The following CCDC171 variants were observed in gnomAD, a reference collection of about 807,000 sequenced individuals.
CCDC171 encodes coiled-coil domain containing 171, also known as coiled-coil domain-containing protein 171.
In CCDC171, 177 loss-of-function variants were observed where a neutral mutation model predicts 168.2. The observed-to-expected ratio is 1.05, with a 90% confidence interval of 0.93 to 1.19. The LOEUF is 1.19. Among genes scored for constraint, CCDC171 ranks in the 50% most tolerant of loss-of-function variants. The pLI is 0.00. For synonymous variants in CCDC171, 687 were observed against 540.8 expected, an observed-to-expected ratio of 1.27 and a Z score of -3.75; for missense variants, 1,991 against 1,539.0, an observed-to-expected ratio of 1.29 and a Z score of -4.91.
At chr9:15,701,526 C>G (rs558852433) in intron 11 of CCDC171, among the ~76,000 whole-genome samples, 51 of 150,598 alleles carry the variant, frequency 3.4e-4, no homozygotes, top group African/African-American at 1.2e-3. Flanking sequence ...TGAAAGAATT[C>G]TCTGTACCAT....
chr9:16,036,703 T>G (rs543834670), intron 8 of CCDC171, among the ~76,000 whole-genome samples: 21 of 152,346 alleles, frequency 1.4e-4, no homozygotes, highest in Middle Eastern at 6.8e-3. Context: ...AAAAATTCTC[T>G]CAGTTGTCAA....
intron 8 of CCDC171, 46 bp downstream of exon 8, chr9:15,657,265 T>C (rs1199535694): frequency 1.7e-6 from 2 of 1,200,154 alleles, no homozygotes; most frequent in Non-Finnish European, 2.4e-6. Flanking sequence ...TTAATTTGTG[T>C]TATAACAGCT....
chr9:15,949,262 C>T (rs757881134), intron 25 of CCDC171, among the ~76,000 whole-genome samples: 5 of 152,084 alleles, frequency 3.3e-5, no homozygotes, highest in Non-Finnish European at 7.3e-5. Context: ...AGCATGATGC[C>T]TCCAGCTTTG....
At chr9:16,040,508 T>C (rs1380245703), upstream of CCDC171, among the ~76,000 whole-genome samples, 2 of 152,092 alleles carry the variant, frequency 1.3e-5, no homozygotes, top group South Asian at 2.1e-4. Flanking sequence ...TGCTGCCCCA[T>C]AGGTGACCTG....
intron 19 of CCDC171, among the ~76,000 whole-genome samples, chr9:15,778,402 G>T (rs2057460515): frequency 6.8e-6 from 1 of 147,426 alleles, no homozygotes; most frequent in African/African-American, 2.5e-5. Context: ...ACTTTGGGAG[G>T]CCAAGGCAGG....
chr9:15,825,297 A>G (rs1312856405), intron 21 of CCDC171, among the ~76,000 whole-genome samples: 4 of 152,120 alleles, frequency 2.6e-5, no homozygotes, highest in Admixed American at 1.3e-4. Context: ...GCATAGATCA[A>G]TATTAGTTCA....
At chr9:16,000,867 A>G (rs1195977400) in intron 3 of CCDC171, among the ~76,000 whole-genome samples, 3 of 152,204 alleles carry the variant, frequency 2.0e-5, no homozygotes, top group South Asian at 2.1e-4. Context: ...TGAGACGAGA[A>G]TGCTGTCTTC....
At chr9:15,860,452 G>C (rs2061512806) in intron 23 of CCDC171, among the ~76,000 whole-genome samples, 1 of 150,976 alleles carries the variant, frequency 6.6e-6, no homozygotes, top group South Asian at 2.1e-4. Context: ...GTTTTGATAT[G>C]TTGTATTTCA....
rs372889708 is a variant in CCDC171 at position 15,648,335 on chromosome 9, C to A, written c.823-8792C>A. ...TGGAAGCATTCCCTTTGAAAACTGG[C>A]ACAATCCAGGGATGCCCTCTCTCAC... On this transcript the variant is annotated intron_variant, in intron 7 of 25. Coordinates refer to ENST00000380701, the MANE Select transcript of CCDC171 (RefSeq NM_173550.4). 3.9e-5 allele frequency among the ~76,000 whole-genome samples: 6 copies of A among 152,268 alleles called. No individual in the cohort carries two copies. In the East Asian group the frequency reaches 7.7e-4, roughly 20 times the overall value.
intron 25 of CCDC171, among the ~76,000 whole-genome samples, chr9:15,969,746 C>T (rs1831160309): frequency 6.6e-6 from 1 of 152,170 alleles, no homozygotes; most frequent in Non-Finnish European, 1.5e-5. Context: ...ATTCCCCTAA[C>T]CCCCAGGCCT....
At chr9:15,907,718 G>C (rs1450005726) in intron 24 of CCDC171, among the ~76,000 whole-genome samples, 1 of 152,176 alleles carries the variant, frequency 6.6e-6, no homozygotes, top group Non-Finnish European at 1.5e-5. Flanking sequence ...AGAGTGAACA[G>C]GCAACCTACA....
At chr9:15,788,144 T>C (rs2058064298) in intron 21 of CCDC171, among the ~76,000 whole-genome samples, 1 of 152,186 alleles carries the variant, frequency 6.6e-6, no homozygotes, top group Non-Finnish European at 1.5e-5. Context: ...GAAAATGCTC[T>C]CTTGTGGGAG....
intron 16 of CCDC171, among the ~76,000 whole-genome samples, chr9:15,730,829 T>G (rs2054105692): frequency 6.6e-6 from 1 of 152,056 alleles, no homozygotes; most frequent in Non-Finnish European, 1.5e-5. Flanking sequence ...CTCTGCATTT[T>G]CTAATATTGA....
intron 1 of CCDC171, among the ~76,000 whole-genome samples, chr9:15,561,420 G>A (rs2039292722): frequency 6.6e-6 from 1 of 152,142 alleles, no homozygotes; most frequent in African/African-American, 2.4e-5. Flanking sequence ...ATGTCATGAG[G>A]AATTTTTAAT....
At chr9:16,078,971 A>G in the CCDC171 span, among the ~76,000 whole-genome samples, 11 of 152,202 alleles carry the variant, frequency 7.2e-5, no homozygotes, top group African/African-American at 2.7e-4. Flanking sequence ...TCACCACTAG[A>G]TATTTTCCCT....
At chr9:16,043,576 T>G (rs903497825) in intron 1 of CCDC171, among the ~76,000 whole-genome samples, 1 of 152,124 alleles carries the variant, frequency 6.6e-6, no homozygotes, top group African/African-American at 2.4e-5. Flanking sequence ...CTGCATGAAG[T>G]GGGCTCAGCA....
At chr9:16,103,429 G>T in the CCDC171 span, among the ~76,000 whole-genome samples, 3 of 152,128 alleles carry the variant, frequency 2.0e-5, no homozygotes, top group Non-Finnish European at 4.4e-5. Flanking sequence ...GGAAGACAAC[G>T]GCACTTGTCT....
intron 21 of CCDC171, among the ~76,000 whole-genome samples, chr9:15,823,749 G>T (rs1363288868): frequency 2.0e-5 from 3 of 151,942 alleles, no homozygotes; most frequent in Non-Finnish European, 4.4e-5. Context: ...ATTTTAATTT[G>T]TCATAGCAGG....
intron 3 of CCDC171, among the ~76,000 whole-genome samples, chr9:15,982,086 T>C (rs1376228629): frequency 5.9e-5 from 9 of 152,194 alleles, no homozygotes; most frequent in Admixed American, 5.9e-4. Context: ...AGATTCTGGC[T>C]CTTTCTGACA....
Sources: allele counts gnomAD v4.1 joint callset (sites outside exome capture counted in the v4.1 genomes callset), GRCh38; gene constraint gnomAD v4.1.1; transcripts MANE v1.5; gene names NCBI Gene and HGNC (gene_info 2026-07-23, HGNC 2026-07-21).